The following TMEM132B variants were observed in gnomAD, a reference collection of about 807,000 sequenced individuals.
TMEM132B encodes the protein transmembrane protein 132B.
Under a neutral mutation model 90.8 loss-of-function variants are expected in TMEM132B, and 18 were observed. The observed-to-expected ratio is 0.20, with a 90% CI of 0.14 to 0.29. The LOEUF is 0.29. TMEM132B is among the 10% of genes least tolerant of loss of function. TMEM132B has a pLI of 1.00. For missense variants in TMEM132B, 1,096 were observed against 1,326.8 expected (o/e 0.83, Z 2.70); for synonymous variants, 504 against 523.3 (o/e 0.96, Z 0.50).
At position 125,458,423 on chromosome 12, in the gene TMEM132B, T is replaced by A. The variant is rs1881351801; in HGVS notation, c.1106+42746T>A. Among the ~76,000 whole-genome samples, 2 of 151,970 alleles carry A rather than the reference T, an allele frequency of 1.3e-5. No homozygotes were observed. Among genetic ancestry groups the A allele is most frequent in the East Asian group, 1.9e-4 (1 of 5,182 alleles). ...TCAGACACTAAGCAGGCAGCACAGG[T>A]CTGTGATTCTAGAGAGAAGGAAACA... On this transcript the variant is annotated intron_variant, in intron 3 of 8. Coordinates refer to ENST00000682704, the MANE Select transcript of TMEM132B (RefSeq NM_001366854.1). The surrounding 1 kb of genome is among the most constrained non-coding windows in gnomAD (Gnocchi z 4.9).
chr12:125,198,865 G>C (rs1009801771), intron 1 of TMEM132B, among the ~76,000 whole-genome samples: 1 of 152,166 alleles, frequency 6.6e-6, no homozygotes, highest in Admixed American at 6.5e-5. Flanking sequence ...GCTGCCCTTT[G>C]AGCTGCTTCC....
At chr12:125,328,993 T>C (rs1463598707) in intron 1 of TMEM132B, among the ~76,000 whole-genome samples, 2 of 152,188 alleles carry the variant, frequency 1.3e-5, no homozygotes, top group Non-Finnish European at 2.9e-5. Context: ...AACCCTGTTA[T>C]GGACTGAATG....
intron 4 of TMEM132B, among the ~76,000 whole-genome samples, chr12:125,555,713 TA>T (rs57444725): frequency 0.29 from 43,129 of 149,186 alleles, 7,385 homozygotes; most frequent in African/African-American, 0.49. Context: ...TAAAGTATAG[TA>T]AAAAAAAATA....
At position 125,334,958 on chromosome 12, in the gene TMEM132B, A is replaced by G. The variant is rs536388144; in HGVS notation, c.68-14494A>G. The stretch of plus-strand genomic sequence containing the variant: ...TGGAATGCACAGTTTGCGTGACATA[A>G]AGCCGGCCCTCAGTCTACTTCTGTT... On this transcript the variant is annotated intron_variant, in intron 1 of 8. Coordinates refer to ENST00000682704, the MANE Select transcript of TMEM132B (RefSeq NM_001366854.1). Among the ~76,000 whole-genome samples, 16 of 152,360 alleles carry G rather than the reference A, an allele frequency of 1.1e-4. No homozygotes were observed. The East Asian group carries it at 3.1e-3, about 29-fold the overall frequency.
chr12:125,527,007 TACCCTTCCATCCACCCATCC>T (rs1259281268), intron 4 of TMEM132B, among the ~76,000 whole-genome samples: 7 of 104,732 alleles, frequency 6.7e-5, no homozygotes, highest in East Asian at 6.7e-4. Context: ...TCCAATCATT[TACCCTTCCATCCACCCATCC>T]ACCCTTCCAT....
intron 1 of TMEM132B, among the ~76,000 whole-genome samples, chr12:125,292,530 C>G (rs1480692996): frequency 1.3e-5 from 2 of 152,184 alleles, no homozygotes; most frequent in Admixed American, 6.5e-5. Context: ...GACAGAAACT[C>G]AACTCAAAAC....
At chr12:125,530,677 A>C (rs1246184507) in intron 4 of TMEM132B, among the ~76,000 whole-genome samples, 3 of 152,204 alleles carry the variant, frequency 2.0e-5, no homozygotes, top group Admixed American at 6.5e-5. Context: ...CGCTGGCTCC[A>C]GGCGTTCCTT....
intron 1 of TMEM132B, among the ~76,000 whole-genome samples, chr12:125,270,342 T>G (rs2136118763): frequency 6.6e-6 from 1 of 152,216 alleles, no homozygotes; most frequent in South Asian, 2.1e-4. Context: ...ATATGATCCT[T>G]TGCTCCCTAA....
rs896642303 is a variant in TMEM132B at position 125,445,073 on chromosome 12, A to G, written c.1106+29396A>G. On this transcript the variant is annotated intron_variant, in intron 3 of 8. Coordinates refer to ENST00000682704, the MANE Select transcript of TMEM132B (RefSeq NM_001366854.1). This position sits in a 1 kb window ranked among gnomAD's most constrained non-coding sequence, Gnocchi z 4.3. ...GCTCAACTCATCTCATCCTCAGAGT[A>G]TGGGTCTAAGGACATTAACATTTTT... Among the ~76,000 whole-genome samples the G allele has an allele frequency of 2.0e-5, 3 of 152,206 alleles. No homozygotes were observed. Among genetic ancestry groups the G allele is most frequent in the Non-Finnish European group, 4.4e-5 (3 of 68,036 alleles).
intron 1 of TMEM132B, among the ~76,000 whole-genome samples, chr12:125,227,737 C>T (rs1029993649): frequency 1.8e-4 from 28 of 152,204 alleles, no homozygotes; most frequent in African/African-American, 6.5e-4. Flanking sequence ...GCAGGTCCAG[C>T]ATTCCACGAT....
intron 4 of TMEM132B, among the ~76,000 whole-genome samples, chr12:125,571,946 GT>G (rs1308832384): frequency 6.6e-6 from 1 of 152,140 alleles, no homozygotes; most frequent in Non-Finnish European, 1.5e-5. Flanking sequence ...ACATTTTTCT[GT>G]TTGAGGATTC....
intron 3 of TMEM132B, among the ~76,000 whole-genome samples, chr12:125,421,774 A>T (rs1880174022): frequency 6.6e-6 from 1 of 152,248 alleles, no homozygotes; most frequent in East Asian, 1.9e-4. Context: ...TGGCCATCAA[A>T]CAAAAAACAA....
At chr12:125,633,598 T>G (rs1042775705) in intron 5 of TMEM132B, among the ~76,000 whole-genome samples, 5 of 152,246 alleles carry the variant, frequency 3.3e-5, no homozygotes, top group African/African-American at 1.2e-4. Flanking sequence ...CAAAAGGACT[T>G]AGGTGTTGTG....
chr12:125,222,467 A>T (rs2136074983), intron 1 of TMEM132B, among the ~76,000 whole-genome samples: 1 of 152,318 alleles, frequency 6.6e-6, no homozygotes, highest in Admixed American at 6.5e-5. Context: ...ACAATTGCAC[A>T]AACCAGGCTC....
chr12:125,654,117 A>T lies in TMEM132B; in HGVS notation c.2659A>T (p.Asn887Tyr). ...CACTCAAGGGAAGTCACCGGACCCC[A>T]ATAATCCTAGTGACCTCACAGTGAC... ...FPTQGKSPDP[N>Y]NPSDLTVTSR... is the part of the protein sequence containing the mutation. The change falls in exon 9 of 9, where the codon AAT becomes TAT. Residue 887 changes from asparagine (N) to tyrosine (Y), a missense_variant. Transcript: ENST00000682704. This position sits in a 1 kb window ranked among gnomAD's most constrained non-coding sequence, Gnocchi z 5.8. 6.2e-7 allele frequency: 1 copy of T among 1,614,210 alleles called. No homozygotes were observed. The highest frequency in any genetic ancestry group is 8.5e-7 in the Non-Finnish European group (1 of 1,180,038).
At position 125,653,854 on chromosome 12, in the gene TMEM132B, A is replaced by T. The variant is rs780660903; in HGVS notation, c.2396A>T (p.Asp799Val). 22 of 1,614,108 alleles carry T rather than the reference A, an allele frequency of 1.4e-5. No individual in the cohort carries two copies. The Admixed American group carries it at 1.5e-4, about 11-fold the overall frequency. The part of the protein sequence containing the change: ...NVKVKFEPSS[D>V]EHQGGSNDIE... ...AAGGTCAAATTCGAACCAAGTAGTGATGAGCACCAAGGAGGCAGCAATGAT... is the reference window on the plus strand; with the variant it reads ...AAGGTCAAATTCGAACCAAGTAGTGTTGAGCACCAAGGAGGCAGCAATGAT... The change falls in exon 9 of 9, where the codon GAT becomes GTT. Residue 799 changes from aspartate (D) to valine (V), a missense_variant. Coordinates refer to ENST00000682704, the MANE Select transcript of TMEM132B (RefSeq NM_001366854.1).
chr12:125,460,228 C>A lies in TMEM132B; in HGVS notation c.1106+44551C>A, dbSNP rs933630926. 6.6e-6 allele frequency among the ~76,000 whole-genome samples: 1 copy of A among 152,158 alleles called. No homozygotes were observed. Among genetic ancestry groups the A allele is most frequent in the Non-Finnish European group, 1.5e-5 (1 of 68,030 alleles). Reference sequence around the variant, plus strand: ...AAAGCTGGCAGGGCACGGTGGCTCACGCCTGTAATCCCAGCACTTTGGGAG... The same window carrying A: ...AAAGCTGGCAGGGCACGGTGGCTCAAGCCTGTAATCCCAGCACTTTGGGAG... On this transcript the variant is annotated intron_variant, in intron 3 of 8. Transcript: ENST00000682704. The surrounding 1 kb of genome is among the most constrained non-coding windows in gnomAD (Gnocchi z 4.4).
At chr12:125,631,942 ACT>A (rs1252919863) in intron 5 of TMEM132B, among the ~76,000 whole-genome samples, 1 of 151,236 alleles carries the variant, frequency 6.6e-6, no homozygotes, top group Non-Finnish European at 1.5e-5. Flanking sequence ...CCATTTAGCC[ACT>A]CTGTTTTTTT....
At chr12:125,237,443 C>T (rs1011560569) in intron 1 of TMEM132B, among the ~76,000 whole-genome samples, 3 of 152,066 alleles carry the variant, frequency 2.0e-5, no homozygotes, top group African/African-American at 7.2e-5. Flanking sequence ...GATAAGTTGG[C>T]AAACTTTTTT....
Sources: allele counts gnomAD v4.1 joint callset (sites outside exome capture counted in the v4.1 genomes callset), GRCh38; gene constraint gnomAD v4.1.1; non-coding constraint Gnocchi (gnomAD v3.1); transcripts MANE v1.5; gene names NCBI Gene and HGNC (gene_info 2026-07-23, HGNC 2026-07-21).